The following BAZ2B variants were observed in gnomAD, a reference collection of about 807,000 sequenced individuals.
The protein encoded by BAZ2B is bromodomain adjacent to zinc finger domain 2B.
BAZ2B carries 91 observed loss-of-function variants against 246.0 expected under a neutral mutation model. That is an observed-to-expected ratio of 0.37 (90% CI 0.31 to 0.44). BAZ2B has a LOEUF of 0.44. Among genes scored for constraint, BAZ2B ranks in the 20% least tolerant of loss-of-function variants. BAZ2B has a pLI of 1.00. For missense variants in BAZ2B, 2,332 were observed against 2,533.7 expected, an observed-to-expected ratio of 0.92 and a Z score of 1.71; for synonymous variants, 855 against 860.0, an observed-to-expected ratio of 0.99 and a Z score of 0.10.
At chr2:159,377,812 C>CAAAAAAAAAAA (rs35570732) in intron 25 of BAZ2B, among the ~76,000 whole-genome samples, 75 of 94,148 alleles carry the variant, frequency 8.0e-4, no homozygotes, top group Non-Finnish European at 1.1e-3. Flanking sequence ...ACTCTGTCTC[C>CAAAAAAAAAAA]AAAAAAAAAA....
At chr2:159,494,356 G>A (rs1577737807) in intron 2 of BAZ2B, among the ~76,000 whole-genome samples, 1 of 152,106 alleles carries the variant, frequency 6.6e-6, no homozygotes, top group Non-Finnish European at 1.5e-5. Flanking sequence ...GTTTCTACAG[G>A]GAAGCACAGA....
chr2:159,655,945 C>T, the BAZ2B span, among the ~76,000 whole-genome samples: 2 of 152,006 alleles, frequency 1.3e-5, no homozygotes, highest in African/African-American at 4.8e-5. Context: ...TTTGCAAAAT[C>T]TAACATCTGG....
At chr2:159,601,901 T>C (rs1692245075) in intron 1 of BAZ2B, among the ~76,000 whole-genome samples, 1 of 152,238 alleles carries the variant, frequency 6.6e-6, no homozygotes, top group Admixed American at 6.5e-5. Context: ...CTTAATTTCA[T>C]TCTTTATACA....
intron 13 of BAZ2B, among the ~76,000 whole-genome samples, chr2:159,421,825 C>A (rs1395836282): frequency 6.6e-6 from 1 of 152,066 alleles, no homozygotes; most frequent in Non-Finnish European, 1.5e-5. Context: ...CAATATGATT[C>A]TATACCTAGA....
At chr2:159,517,063 T>G (rs1442522294) in intron 2 of BAZ2B, among the ~76,000 whole-genome samples, 1 of 152,160 alleles carries the variant, frequency 6.6e-6, no homozygotes, top group Non-Finnish European at 1.5e-5. Context: ...TTAATTGTTT[T>G]GTGGTCAAAG....
chr2:159,504,806 T>C (rs1025791321), intron 2 of BAZ2B, among the ~76,000 whole-genome samples: 1 of 152,202 alleles, frequency 6.6e-6, no homozygotes, highest in African/African-American at 2.4e-5. Context: ...TATATAAATA[T>C]GCAATACTAT....
At chr2:159,527,728 G>A (rs777918794) in intron 2 of BAZ2B, among the ~76,000 whole-genome samples, 5 of 152,122 alleles carry the variant, frequency 3.3e-5, no homozygotes, top group Non-Finnish European at 7.4e-5. Flanking sequence ...AAAGTAGTAG[G>A]CACTTAGCAC....
intron 2 of BAZ2B, among the ~76,000 whole-genome samples, chr2:159,549,413 G>C (rs182973030): frequency 6.6e-6 from 1 of 152,044 alleles, no homozygotes; most frequent in African/African-American, 2.4e-5. Flanking sequence ...TCTAGACCAC[G>C]TGTCTCACTC....
intron 8 of BAZ2B, among the ~76,000 whole-genome samples, chr2:159,436,944 A>C (rs1218702114): frequency 6.6e-6 from 1 of 152,202 alleles, no homozygotes. Context: ...GCAGGTAGGT[A>C]CCTCTACCTC....
intron 25 of BAZ2B, among the ~76,000 whole-genome samples, chr2:159,380,810 G>A (rs946551675): frequency 1.6e-4 from 25 of 152,294 alleles, no homozygotes; most frequent in Admixed American, 1.4e-3. Context: ...ATGTTGTTGA[G>A]TGAATTAAGC....
intron 6 of BAZ2B, chr2:159,444,141 A>G (rs895945125): frequency 3.3e-5 from 5 of 152,126 alleles, no homozygotes; most frequent in African/African-American, 1.2e-4. Context: ...AGTAGCTCAG[A>G]GATAGGACCT....
chr2:159,393,900 G>A (rs543581628), intron 20 of BAZ2B, among the ~76,000 whole-genome samples: 16 of 152,220 alleles, frequency 1.1e-4, no homozygotes, highest in African/African-American at 3.6e-4. Context: ...GCCCTAGTGG[G>A]CAAATATGAA....
At chr2:159,561,688 C>T (rs886954175) in intron 1 of BAZ2B, among the ~76,000 whole-genome samples, 1 of 152,190 alleles carries the variant, frequency 6.6e-6, no homozygotes. Context: ...GAAACCATAG[C>T]TGGACTGAAC....
intron 34 of BAZ2B, among the ~76,000 whole-genome samples, chr2:159,328,055 A>T (rs2063987547): frequency 8.1e-6 from 1 of 123,782 alleles, no homozygotes; most frequent in Non-Finnish European, 1.6e-5. Flanking sequence ...ATGGAATGAG[A>T]CTCAGCCTCA....
the BAZ2B span, among the ~76,000 whole-genome samples, chr2:159,626,353 C>T: frequency 6.6e-6 from 1 of 152,082 alleles, no homozygotes; most frequent in African/African-American, 2.4e-5. Flanking sequence ...AACTCTCCAC[C>T]CCAAATCAAC....
At chr2:159,629,278 G>C in the BAZ2B span, among the ~76,000 whole-genome samples, 58 of 152,248 alleles carry the variant, frequency 3.8e-4, no homozygotes, top group Admixed American at 1.1e-3. Flanking sequence ...ATTCCTCAAG[G>C]ATCTAGAACT....
chr2:159,330,360 C>G (rs539411773), intron 34 of BAZ2B, among the ~76,000 whole-genome samples: 234 of 152,194 alleles, frequency 1.5e-3, no homozygotes, highest in Non-Finnish European at 2.7e-3. Flanking sequence ...GAAGCAAAGA[C>G]TGGAAAGAAA....
chr2:159,449,575 G>A (rs578049775), intron 4 of BAZ2B, among the ~76,000 whole-genome samples: 20 of 152,122 alleles, frequency 1.3e-4, no homozygotes, highest in Non-Finnish European at 2.5e-4. Flanking sequence ...AAATTTTCAT[G>A]GTAGCTGCCA....
intron 31 of BAZ2B, among the ~76,000 whole-genome samples, chr2:159,345,125 C>T (rs369950485): frequency 2.0e-5 from 3 of 151,122 alleles, no homozygotes; most frequent in East Asian, 1.9e-4. Context: ...GCAGGAGAAT[C>T]GCTTGAACCT....
Sources: allele counts gnomAD v4.1 joint callset (sites outside exome capture counted in the v4.1 genomes callset), GRCh38; gene constraint gnomAD v4.1.1; transcripts MANE v1.5; gene names NCBI Gene and HGNC (gene_info 2026-07-23, HGNC 2026-07-21).